CSMD1: variants seen among roughly 807,000 people sequenced by gnomAD.
CSMD1 encodes the protein CUB and Sushi multiple domains 1, also known as CUB and sushi domain-containing protein 1.
In CSMD1, 213 loss-of-function variants were observed where a neutral mutation model predicts 417.5. The ratio of observed to expected loss-of-function variants is 0.51; its 90% CI spans 0.46 to 0.57. CSMD1 has a LOEUF of 0.57. CSMD1 is among the 20% of genes least tolerant of loss of function. CSMD1 has a pLI of 0.00. For synonymous variants in CSMD1, 2,862 were observed against 1,736.8 expected (o/e 1.65, Z -16.11); for missense variants, 6,923 against 4,529.7 (o/e 1.53, Z -15.17).
chr8:3,381,580 T>C (rs748169314), intron 18 of CSMD1, among the ~76,000 whole-genome samples: 47 of 152,146 alleles, frequency 3.1e-4, no homozygotes, highest in Admixed American at 7.2e-4. Flanking sequence ...ATATGACAAA[T>C]ATTTGCATCG....
At position 4,554,329 on chromosome 8, in the gene CSMD1, G is replaced by T. The variant is rs576790829; in HGVS notation, c.302+83013C>A. Among the ~76,000 whole-genome samples the T allele has an allele frequency of 2.6e-5, 4 of 152,138 alleles. No homozygotes were observed. The East Asian group carries it at 7.8e-4, about 30-fold the overall frequency. On this transcript the variant is annotated intron_variant, in intron 2 of 69. Transcript: ENST00000635120. ...TTTTCATATTTTCAGTAGAGACAGG[G>T]TTTCACCATGTTGCCCACGCTGGTC...
At chr8:4,013,055 G>A (rs778853655) in intron 4 of CSMD1, among the ~76,000 whole-genome samples, 3 of 152,082 alleles carry the variant, frequency 2.0e-5, no homozygotes, top group African/African-American at 2.4e-5. Context: ...CTCAGCTTAT[G>A]TTCTTTTCTC....
At chr8:4,709,423 G>A (rs1054566789) in intron 1 of CSMD1, among the ~76,000 whole-genome samples, 2 of 152,130 alleles carry the variant, frequency 1.3e-5, no homozygotes, top group East Asian at 1.9e-4. Flanking sequence ...TTTACTTGGG[G>A]CTGCCCTGGC....
intron 2 of CSMD1, among the ~76,000 whole-genome samples, chr8:4,475,584 G>A (rs1465416665): frequency 2.0e-5 from 3 of 151,962 alleles, no homozygotes; most frequent in East Asian, 1.9e-4. Flanking sequence ...CAGGCACAAC[G>A]TTCTTTTCTT....
intron 5 of CSMD1, among the ~76,000 whole-genome samples, chr8:3,959,173 G>C (rs966438234): frequency 6.6e-6 from 1 of 152,174 alleles, no homozygotes; most frequent in South Asian, 2.1e-4. Flanking sequence ...AGAAGTTACA[G>C]GGCATCTTTT....
intron 3 of CSMD1, among the ~76,000 whole-genome samples, chr8:4,296,312 T>C (rs1563407981): frequency 1.3e-5 from 2 of 152,094 alleles, no homozygotes; most frequent in Non-Finnish European, 2.9e-5. Flanking sequence ...GTCCCTGTGG[T>C]TATAAATTCT....
At chr8:4,428,478 T>C (rs1797689499) in intron 2 of CSMD1, among the ~76,000 whole-genome samples, 1 of 152,298 alleles carries the variant, frequency 6.6e-6, no homozygotes, top group South Asian at 2.1e-4. Flanking sequence ...GTAAAAAGGC[T>C]GCATGCCTGG....
intron 2 of CSMD1, among the ~76,000 whole-genome samples, chr8:4,504,914 G>C (rs964697596): frequency 6.6e-6 from 1 of 152,110 alleles, no homozygotes; most frequent in Non-Finnish European, 1.5e-5. Flanking sequence ...CCAAGTCTTT[G>C]TTATTGTAAA....
intron 1 of CSMD1, among the ~76,000 whole-genome samples, chr8:4,641,318 C>G (rs1159038354): frequency 6.6e-6 from 1 of 152,060 alleles, no homozygotes; most frequent in Admixed American, 6.6e-5. Context: ...TGGCTCCTAT[C>G]TAAAGTAATC....
rs1370654432 is a variant in CSMD1 at position 3,561,420 on chromosome 8, G to A, written c.1344+13525C>T. Among the ~76,000 whole-genome samples, 5 of 152,028 alleles carry A rather than the reference G, an allele frequency of 3.3e-5. No homozygotes were observed. In the East Asian group the frequency reaches 7.7e-4, roughly 24 times the overall value. ...ATGGTTGATCAGATAAAGAAAATGCGGTATCTTTACACCATGGATACCACA... is the reference window on the plus strand; with the variant it reads ...ATGGTTGATCAGATAAAGAAAATGCAGTATCTTTACACCATGGATACCACA... On this transcript the variant is annotated intron_variant, in intron 10 of 69. Transcript: ENST00000635120.
intron 5 of CSMD1, among the ~76,000 whole-genome samples, chr8:3,919,026 G>C (rs1013239916): frequency 6.6e-6 from 1 of 151,750 alleles, no homozygotes; most frequent in Admixed American, 6.6e-5. Context: ...AACACCTATG[G>C]AAATATTTTT....
chr8:4,416,401 T>C (rs761320200), intron 3 of CSMD1, among the ~76,000 whole-genome samples: 28 of 152,126 alleles, frequency 1.8e-4, no homozygotes, highest in Admixed American at 5.2e-4. Flanking sequence ...ATTTAAATTA[T>C]TGAAGTCCAT....
chr8:4,959,272 G>C lies in CSMD1; in HGVS notation c.85+35060C>G, dbSNP rs17071900. Among the ~76,000 whole-genome samples the C allele has an allele frequency of 9.1e-4, 138 of 152,272 alleles. 4 individuals carry two copies. The East Asian group carries it at 0.022, about 25-fold the overall frequency. ...TTCTGGGGTCATATGTTTTGGAAAA[G>C]CTAAGTAGATATGTAACAGGTATGT... On this transcript the variant is annotated intron_variant, in intron 1 of 69. Transcript: ENST00000635120.
intron 3 of CSMD1, among the ~76,000 whole-genome samples, chr8:4,397,978 C>G (rs576056036): frequency 1.3e-5 from 2 of 152,208 alleles, no homozygotes; most frequent in East Asian, 1.9e-4. Context: ...ACTGAAAAGA[C>G]TTAGATGATT....
At chr8:3,392,855 AC>A (rs1385349539) in intron 17 of CSMD1, among the ~76,000 whole-genome samples, 1 of 152,068 alleles carries the variant, frequency 6.6e-6, no homozygotes, top group Non-Finnish European at 1.5e-5. Context: ...TCTCTACACC[AC>A]CCACAGAAAT....
At chr8:4,316,195 G>A (rs1006427214) in intron 3 of CSMD1, among the ~76,000 whole-genome samples, 2 of 152,112 alleles carry the variant, frequency 1.3e-5, no homozygotes, top group Non-Finnish European at 2.9e-5. Context: ...CAAGAGAGCA[G>A]GACCCCATAT....
chr8:4,902,334 G>A (rs1357841606), intron 1 of CSMD1, among the ~76,000 whole-genome samples: 8 of 150,836 alleles, frequency 5.3e-5, no homozygotes, highest in Non-Finnish European at 8.8e-5. Flanking sequence ...CCACTCAGGA[G>A]ACTGAGGCAG....
intron 5 of CSMD1, among the ~76,000 whole-genome samples, chr8:3,780,711 A>T (rs1799131217): frequency 6.6e-6 from 1 of 152,178 alleles, no homozygotes; most frequent in Non-Finnish European, 1.5e-5. Flanking sequence ...GCCTGGTGAG[A>T]AATGCACAGA....
At chr8:4,713,903 G>C (rs1563200687) in intron 1 of CSMD1, among the ~76,000 whole-genome samples, 1 of 152,102 alleles carries the variant, frequency 6.6e-6, no homozygotes, top group Non-Finnish European at 1.5e-5. Flanking sequence ...TGGGCTTGTG[G>C]GGAGGCCGAG....
Sources: allele counts gnomAD v4.1 joint callset (sites outside exome capture counted in the v4.1 genomes callset), GRCh38; gene constraint gnomAD v4.1.1; transcripts MANE v1.5; gene names NCBI Gene and HGNC (gene_info 2026-07-23, HGNC 2026-07-21).